USF3: variants seen among roughly 807,000 people sequenced by gnomAD.
USF3 encodes the protein upstream transcription factor family member 3, also known as basic helix-loop-helix domain-containing protein USF3.
USF3 carries 29 observed loss-of-function variants against 157.5 expected under a neutral mutation model. The ratio of observed to expected loss-of-function variants is 0.18; its 90% CI spans 0.14 to 0.25. The LOEUF (loss-of-function observed/expected upper bound fraction) is 0.25, where lower values mean the gene tolerates loss of function less well. USF3 is among the 10% of genes least tolerant of loss of function. USF3 has a pLI of 1.00. For synonymous variants in USF3, 893 were observed against 941.4 expected (o/e 0.95, Z 0.94); for missense variants, 2,381 against 2,667.6 (o/e 0.89, Z 2.37).
In USF3 at chr3:113,659,242, G is replaced by C; in HGVS notation, c.2440C>G (p.Leu814Val). The change falls in exon 7 of 7, where the codon CTG becomes GTG. Residue 814 changes from leucine (L) to valine (V), a missense_variant. Coordinates refer to ENST00000316407, the MANE Select transcript of USF3 (RefSeq NM_001009899.4). ...TTGCTCACATCTCTGACTGAATTCA[G>C]GGGACACGCTGACTTGTTTGCTGCT... ...HLAANKSACPLNSVRDVSKLD... is the reference protein window; with the variant it reads ...HLAANKSACPVNSVRDVSKLD... 1 of 1,614,164 alleles carries C rather than the reference G, an allele frequency of 6.2e-7. No homozygotes were observed. Among genetic ancestry groups the C allele is most frequent in the Non-Finnish European group, 8.5e-7 (1 of 1,180,034 alleles).
chr3:113,680,683 A>G (rs1264580158), intron 1 of USF3, among the ~76,000 whole-genome samples: 1 of 151,778 alleles, frequency 6.6e-6, no homozygotes, highest in Admixed American at 6.6e-5. Flanking sequence ...GTGGTGGCAC[A>G]TGCCTGTAAT....
rs749948506 is a variant in USF3, at chr3:113,654,940, G to C, written c.*4C>G. 6.2e-7 allele frequency: 1 copy of C among 1,604,166 alleles called. No individual in the cohort carries two copies. The highest frequency in any genetic ancestry group is 2.2e-5 in the East Asian group (1 of 44,718). On this transcript the variant is annotated 3_prime_UTR_variant, in exon 7 of 7. Transcript: ENST00000316407. ...CATTACCTTTACATTTTGTTTATCA[G>C]TATTTAAACAGCTGAACTGCAATCA...
In USF3 at chr3:113,661,194, G is replaced by A; in HGVS notation, c.488C>T (p.Thr163Ile). The A allele has an allele frequency of 6.2e-7, 1 of 1,614,126 alleles. No individual in the cohort carries two copies. Among genetic ancestry groups the A allele is most frequent in the Non-Finnish European group, 8.5e-7 (1 of 1,180,010 alleles). The change falls in exon 7 of 7, where the codon ACA (threonine) becomes ATA (isoleucine). Residue 163 changes from threonine to isoleucine, a missense_variant. Around this residue, in one of 6 missense-constraint regions of USF3, gnomAD observed 1,435 missense variants for 1,550.9 expected, o/e 0.93. Transcript: ENST00000316407. Reference sequence around the variant, plus strand: ...ATTAAAAGTTATCCCCTGAACAGCTGTTCCCTGGCTGTTTCCACCAGGCTG... The same window carrying A: ...ATTAAAAGTTATCCCCTGAACAGCTATTCCCTGGCTGTTTCCACCAGGCTG... ...GNQPGGNSQG[T>I]AVQGITFNVS...
intron 4 of USF3, among the ~76,000 whole-genome samples, chr3:113,671,948 A>G (rs1006897842): frequency 1.3e-5 from 2 of 149,536 alleles, no homozygotes; most frequent in African/African-American, 4.9e-5. Context: ...TTTTTTTATT[A>G]CTTGTAGAGG....
chr3:113,695,274 C>T (rs34048496), intron 1 of USF3, among the ~76,000 whole-genome samples: 46,058 of 152,078 alleles, frequency 0.3, 7,195 homozygotes, highest in Non-Finnish European at 0.35. Context: ...AGAGAAACAA[C>T]ACATGTATCC....
chr3:113,695,666 G>A (rs2107969304), intron 1 of USF3, among the ~76,000 whole-genome samples: 1 of 152,310 alleles, frequency 6.6e-6, no homozygotes, highest in African/African-American at 2.4e-5. Flanking sequence ...AAACGCAAAG[G>A]ACCATATCCC....
intron 1 of USF3, among the ~76,000 whole-genome samples, chr3:113,681,134 C>T (rs915396426): frequency 3.9e-5 from 6 of 152,018 alleles, no homozygotes; most frequent in East Asian, 1.9e-4. Context: ...CCCACCAGCA[C>T]GCCTGGCTAA....
At position 113,655,799 on chromosome 3, in the gene USF3, G is replaced by A. The variant is rs12494777; in HGVS notation, c.5883C>T (p.Gly1961=). 4,686 of 1,614,080 alleles carry A rather than the reference G, an allele frequency of 2.9e-3. 131 individuals carry two copies. In the Admixed American group the frequency reaches 0.053, roughly 18 times the overall value. The change falls in exon 7 of 7, where the codon GGC becomes GGT. Residue 1961 remains glycine (G), a synonymous_variant. Transcript: ENST00000316407. ...CTTGACGTACAGCAGGGCCTTGATC[G>A]CCATTTCCATGAGACACAGATGGAT... ...LPHPSVSHGN[G]DQGPAVRQAN... is the part of the protein sequence containing the mutation.
chr3:113,683,464 CTTTTTTT>C (rs5851905), intron 1 of USF3, among the ~76,000 whole-genome samples: 1 of 87,114 alleles, frequency 1.1e-5, no homozygotes, highest in South Asian at 3.9e-4. Context: ...TTATCCCCTG[CTTTTTTT>C]TTTTTTTTTT....
rs1462710526 is a variant in USF3, at chr3:113,655,219, T to C, written c.6463A>G (p.Ile2155Val). 7 of 1,614,082 alleles carry C rather than the reference T, an allele frequency of 4.3e-6. No individual in the cohort carries two copies. In the African/African-American group the frequency reaches 8.0e-5, roughly 18 times the overall value. Residue 2155 changes from isoleucine (I) to valine (V), a missense_variant, in exon 7 of 7, where the codon ATT becomes GTT. Physicochemically the swap from Ile to Val is conservative, Grantham distance 29 (BLOSUM62 3). Transcript: ENST00000316407. ...CCAACAGGTCTGGGAGGAGATAAAA[T>C]TGATCCAAATCGGTTATTTAAACTT... ...SGSLNNRFGS[I>V]LSPPRPVGFA...
intron 1 of USF3, among the ~76,000 whole-genome samples, chr3:113,689,051 A>AAAC (rs1707626064): frequency 6.6e-6 from 1 of 151,968 alleles, no homozygotes; most frequent in African/African-American, 2.4e-5. Flanking sequence ...ACAAACAAAC[A>AAAC]AACAAACAAA....
intron 1 of USF3, among the ~76,000 whole-genome samples, chr3:113,695,485 G>A (rs1256095977): frequency 6.6e-6 from 1 of 152,222 alleles, no homozygotes; most frequent in East Asian, 1.9e-4. Flanking sequence ...AAATCTGTAC[G>A]TTGTTTATAG....
In USF3 at chr3:113,656,332, G is replaced by C. The variant is rs569593774; in HGVS notation, c.5350C>G (p.Pro1784Ala). 1.2e-6 allele frequency: 2 copies of C among 1,614,150 alleles called. No individual in the cohort carries two copies. Among genetic ancestry groups the C allele is most frequent in the South Asian group, 2.2e-5 (2 of 91,090 alleles). Residue 1784 changes from proline to alanine, a missense_variant, in exon 7 of 7, where the codon CCA becomes GCA. By Grantham distance (27) the Pro-to-Ala change is conservative. Around this residue, in one of 6 missense-constraint regions of USF3, gnomAD observed 770 missense variants for 824.2 expected, o/e 0.93. Transcript: ENST00000316407. ...AATCTCTTTTGACGGTCAATTGGTG[G>C]GGGGCCAGTGTTTTGACTAATTCGA... ...AFRISQNTGP[P>A]PIDRQKRLSY... is the part of the protein sequence containing the mutation.
intron 1 of USF3, among the ~76,000 whole-genome samples, chr3:113,679,362 G>C (rs1255764703): frequency 6.7e-6 from 1 of 150,156 alleles, no homozygotes; most frequent in Non-Finnish European, 1.5e-5. Context: ...GCACACAACT[G>C]TATGACCCAA....
chr3:113,691,558 C>T (rs1027171421), intron 1 of USF3, among the ~76,000 whole-genome samples: 1 of 152,188 alleles, frequency 6.6e-6, no homozygotes, highest in African/African-American at 2.4e-5. Context: ...AACACAGGCT[C>T]ACCTCTGGGG....
At chr3:113,673,022 T>C (rs542854933) in intron 4 of USF3, among the ~76,000 whole-genome samples, 3 of 152,272 alleles carry the variant, frequency 2.0e-5, no homozygotes, top group South Asian at 2.1e-4. Flanking sequence ...CCCTCGGGAA[T>C]TGCTGCAAAG....
At chr3:113,666,618 C>T (rs532197240) in intron 5 of USF3, among the ~76,000 whole-genome samples, 1 of 138,662 alleles carries the variant, frequency 7.2e-6, no homozygotes, top group South Asian at 2.3e-4. Flanking sequence ...GTCGCCCGGG[C>T]TGGAGTGTAG....
At position 113,658,779 on chromosome 3, in the gene USF3, G is replaced by C. The variant is rs1271568351; in HGVS notation, c.2903C>G (p.Thr968Arg). The change falls in exon 7 of 7, where the codon ACA becomes AGA. Residue 968 changes from threonine to arginine, a missense_variant. By Grantham distance (71) the Thr-to-Arg change is moderately conservative. Transcript: ENST00000316407. ...TACCTCAGAAACACAGTCAGTACTT[G>C]TAGTGCTTGTTGTAGATGACAAACC... The part of the protein sequence containing the change: ...VPGLSSTTST[T>R]STDCVSEVEI... 1 of 1,614,122 alleles carries C rather than the reference G, an allele frequency of 6.2e-7. No homozygotes were observed.
At position 113,656,332 on chromosome 3, in the gene USF3, G is replaced by A. The variant is rs569593774; in HGVS notation, c.5350C>T (p.Pro1784Ser). The change falls in exon 7 of 7, where the codon CCA (proline) becomes TCA (serine). Residue 1784 changes from proline (P) to serine (S), a missense_variant. By Grantham distance (74) the Pro-to-Ser change is moderately conservative (BLOSUM62 -1). Transcript: ENST00000316407. ...AFRISQNTGP[P>S]PIDRQKRLSY... is the part of the protein sequence containing the mutation. ...AATCTCTTTTGACGGTCAATTGGTG[G>A]GGGGCCAGTGTTTTGACTAATTCGA... 1.2e-6 allele frequency: 2 copies of A among 1,614,150 alleles called. No individual in the cohort carries two copies. Among genetic ancestry groups the A allele is most frequent in the Admixed American group, 3.3e-5 (2 of 60,022 alleles).
Sources: allele counts gnomAD v4.1 joint callset (sites outside exome capture counted in the v4.1 genomes callset), GRCh38; gene constraint gnomAD v4.1.1; regional missense constraint gnomAD v4.1.1; transcripts MANE v1.5; gene names NCBI Gene and HGNC (gene_info 2026-07-23, HGNC 2026-07-21).